FILIP1L: variants seen among roughly 807,000 people sequenced by gnomAD.
FILIP1L encodes filamin A interacting protein 1 like.
In FILIP1L, 55 loss-of-function variants were observed where a neutral mutation model predicts 96.6. That is an observed-to-expected ratio of 0.57 (90% CI 0.46 to 0.71). The LOEUF (loss-of-function observed/expected upper bound fraction) is 0.71. Ranked by LOEUF, FILIP1L falls within the 30% of genes least tolerant of loss-of-function variation. FILIP1L has a pLI of 0.00. For synonymous variants in FILIP1L, 467 were observed against 473.9 expected (o/e 0.99, Z 0.19); for missense variants, 1,304 against 1,321.2 (o/e 0.99, Z 0.20).
intron 1 of FILIP1L, among the ~76,000 whole-genome samples, chr3:100,081,625 T>G (rs897000783): frequency 2.6e-5 from 4 of 152,240 alleles, no homozygotes. Context: ...TGCATGCCAG[T>G]ATAGTGTGAT....
chr3:100,064,031 C>T (rs1359530751), intron 1 of FILIP1L, among the ~76,000 whole-genome samples: 3 of 152,168 alleles, frequency 2.0e-5, no homozygotes, highest in South Asian at 2.1e-4. Context: ...TCTCAAACCT[C>T]GGACCTCTAG....
chr3:100,004,844 G>A (rs1709943801), intron 1 of FILIP1L, among the ~76,000 whole-genome samples: 1 of 152,194 alleles, frequency 6.6e-6, no homozygotes, highest in Non-Finnish European at 1.5e-5. Flanking sequence ...GGGCAGGTGG[G>A]GAAAATCTGG....
At chr3:99,884,690 A>C (rs1156937053) in intron 4 of FILIP1L, among the ~76,000 whole-genome samples, 2 of 152,220 alleles carry the variant, frequency 1.3e-5, no homozygotes, top group Non-Finnish European at 2.9e-5. Context: ...AATTCAGCAG[A>C]AGAAAGAGAT....
chr3:99,969,372 G>A (rs1708748358), intron 1 of FILIP1L, among the ~76,000 whole-genome samples: 1 of 152,218 alleles, frequency 6.6e-6, no homozygotes, highest in Admixed American at 6.5e-5. Flanking sequence ...GCAAGAATGA[G>A]TAGGAGGTTG....
rs149496004 is a variant in FILIP1L at position 100,038,140 on chromosome 3, G to C, written c.-11+75913C>G. On this transcript the variant is annotated intron_variant, in intron 1 of 5. Transcript: ENST00000477258. ...CCAGCTAATTTTTGTATTTTTAGTA[G>C]AGACAGAGTTTCACCATACTGGCCA... 4.6e-3 allele frequency among the ~76,000 whole-genome samples: 706 copies of C among 152,072 alleles called. 2 individuals carry two copies. Among genetic ancestry groups the C allele is most frequent in the South Asian group, 7.0e-3 (34 of 4,828 alleles).
intron 1 of FILIP1L, among the ~76,000 whole-genome samples, chr3:99,938,945 T>C (rs894483161): frequency 2.0e-5 from 3 of 152,188 alleles, no homozygotes; most frequent in Non-Finnish European, 4.4e-5. Flanking sequence ...GAAAACAAGA[T>C]AACCTAATTT....
chr3:99,983,422 ATGTATGTATG>A (rs1709202947), intron 1 of FILIP1L, among the ~76,000 whole-genome samples: 31 of 86,908 alleles, frequency 3.6e-4, no homozygotes, highest in African/African-American at 1.3e-3. Context: ...ATATATATGT[ATGTATGTATG>A]TATATATATG....
At chr3:99,938,074 T>TGTGCGC (rs1431638787) in intron 1 of FILIP1L, among the ~76,000 whole-genome samples, 2 of 85,210 alleles carry the variant, frequency 2.3e-5, no homozygotes, top group African/African-American at 8.1e-5. Flanking sequence ...TGTGTGTGTG[T>TGTGCGC]GCGCGCGCGC....
At chr3:100,100,117 T>C (rs974571756) in intron 1 of FILIP1L, among the ~76,000 whole-genome samples, 4 of 151,952 alleles carry the variant, frequency 2.6e-5, no homozygotes, top group African/African-American at 9.7e-5. Context: ...GATAAGAGAA[T>C]GGAAAGGAAT....
chr3:99,977,513 A>T (rs1709006373), intron 1 of FILIP1L, among the ~76,000 whole-genome samples: 1 of 152,154 alleles, frequency 6.6e-6, no homozygotes, highest in Non-Finnish European at 1.5e-5. Context: ...ATATACCTAA[A>T]TTACTTGTTT....
At chr3:100,055,450 A>G (rs1323902457) in intron 1 of FILIP1L, among the ~76,000 whole-genome samples, 1 of 152,192 alleles carries the variant, frequency 6.6e-6, no homozygotes, top group African/African-American at 2.4e-5. Flanking sequence ...ATCACTGTCT[A>G]ATGCTAGAAA....
chr3:100,004,150 G>A (rs1709922590), intron 1 of FILIP1L, among the ~76,000 whole-genome samples: 1 of 152,114 alleles, frequency 6.6e-6, no homozygotes, highest in Non-Finnish European at 1.5e-5. Flanking sequence ...GATTTGCAAG[G>A]TAATTTTGAC....
At chr3:100,045,548 C>G (rs1273752923) in intron 1 of FILIP1L, among the ~76,000 whole-genome samples, 1 of 152,102 alleles carries the variant, frequency 6.6e-6, no homozygotes, top group East Asian at 1.9e-4. Context: ...TAATTCTCCC[C>G]CTGAAAAATC....
chr3:99,870,942 C>T (rs1318900672), intron 4 of FILIP1L, among the ~76,000 whole-genome samples: 1 of 152,124 alleles, frequency 6.6e-6, no homozygotes, highest in African/African-American at 2.4e-5. Flanking sequence ...TGTGTTCTTC[C>T]ATATTTTGCT....
At chr3:99,905,120 T>C (rs1706571100) in intron 4 of FILIP1L, among the ~76,000 whole-genome samples, 1 of 152,218 alleles carries the variant, frequency 6.6e-6, no homozygotes, top group Non-Finnish European at 1.5e-5. Flanking sequence ...CATAGACTGC[T>C]TCTTGTCTAC....
At chr3:99,890,313 T>G (rs764887767) in intron 4 of FILIP1L, among the ~76,000 whole-genome samples, 3 of 152,182 alleles carry the variant, frequency 2.0e-5, no homozygotes, top group Non-Finnish European at 2.9e-5. Flanking sequence ...ACTATTTCAT[T>G]TGTATGTACT....
chr3:99,950,528 TTTCC>T (rs1164545465), intron 1 of FILIP1L, among the ~76,000 whole-genome samples: 1 of 152,178 alleles, frequency 6.6e-6, no homozygotes, highest in Non-Finnish European at 1.5e-5. Flanking sequence ...CCCTGGTGAC[TTTCC>T]TTCCTTTTCA....
intron 1 of FILIP1L, among the ~76,000 whole-genome samples, chr3:100,067,376 C>G (rs1174352678): frequency 6.6e-6 from 1 of 152,158 alleles, no homozygotes; most frequent in Non-Finnish European, 1.5e-5. Context: ...GGTAACTAAG[C>G]ACCCTGGTGA....
chr3:100,088,504 A>G (rs972354138), intron 1 of FILIP1L, among the ~76,000 whole-genome samples: 6 of 152,220 alleles, frequency 3.9e-5, no homozygotes, highest in South Asian at 4.1e-4. Context: ...CAAAATCTTT[A>G]TATTTGTAGG....
Sources: gnomAD v4.1 joint callset for allele counts (sites outside exome capture counted in the v4.1 genomes callset) on GRCh38, gnomAD v4.1.1 for gene constraint, MANE v1.5 for transcripts, NCBI Gene and HGNC (gene_info 2026-07-23, HGNC 2026-07-21) for gene names.